The following NEGR1 variants were observed in gnomAD, a reference collection of about 807,000 sequenced individuals.
NEGR1 encodes the protein IgLON family member 4.
A neutral mutation model predicts 40.9 loss-of-function variants in NEGR1; 10 were observed. That is an observed-to-expected ratio of 0.24 (90% CI 0.15 to 0.42). The LOEUF (loss-of-function observed/expected upper bound fraction) is 0.42. Among genes scored for constraint, NEGR1 ranks in the 10% least tolerant of loss-of-function variants. The pLI is 1.00. For synonymous variants in NEGR1, 185 were observed against 166.8 expected (o/e 1.11, Z -0.84); for missense variants, 352 against 438.9 (o/e 0.80, Z 1.77).
intron 1 of NEGR1, among the ~76,000 whole-genome samples, chr1:72,201,362 T>C (rs1419381905): frequency 2.0e-5 from 3 of 151,624 alleles, no homozygotes; most frequent in African/African-American, 7.2e-5. Flanking sequence ...TACATAAAAC[T>C]ATAGTGATAC....
intron 2 of NEGR1, among the ~76,000 whole-genome samples, chr1:71,824,123 T>C (rs1658532703): frequency 1.3e-5 from 2 of 151,940 alleles, no homozygotes; most frequent in Admixed American, 6.6e-5. Context: ...TTCCAGAGGA[T>C]ACATTGTGGT....
intron 6 of NEGR1, among the ~76,000 whole-genome samples, chr1:71,409,505 C>T (rs1432929053): frequency 6.6e-6 from 1 of 152,014 alleles, no homozygotes; most frequent in African/African-American, 2.4e-5. Flanking sequence ...CCTTATCCAT[C>T]CTTGAAAATG....
chr1:71,421,156 T>A (rs1195450240), intron 6 of NEGR1, among the ~76,000 whole-genome samples: 1 of 152,060 alleles, frequency 6.6e-6, no homozygotes, highest in East Asian at 1.9e-4. Flanking sequence ...GAATAATCAT[T>A]ATATTAGAAA....
intron 2 of NEGR1, among the ~76,000 whole-genome samples, chr1:71,812,994 T>A (rs1487825486): frequency 6.6e-6 from 1 of 152,134 alleles, no homozygotes; most frequent in Non-Finnish European, 1.5e-5. Context: ...GTTTTCATAA[T>A]GAAATTTTCT....
intron 1 of NEGR1, among the ~76,000 whole-genome samples, chr1:72,044,439 TTG>T (rs1472270065): frequency 1.3e-5 from 2 of 151,734 alleles, no homozygotes; most frequent in Non-Finnish European, 2.9e-5. Context: ...TTATTATTAT[TTG>T]AATAAATAGA....
intron 4 of NEGR1, among the ~76,000 whole-genome samples, chr1:71,625,787 T>C (rs1650755123): frequency 6.6e-6 from 1 of 151,900 alleles, no homozygotes; most frequent in South Asian, 2.1e-4. Flanking sequence ...GCCTCTAACA[T>C]GAATAATGCA....
intron 6 of NEGR1, among the ~76,000 whole-genome samples, chr1:71,548,634 T>C (rs1406711682): frequency 2.0e-5 from 3 of 151,740 alleles, no homozygotes; most frequent in African/African-American, 7.2e-5. Flanking sequence ...TTTCATCTCA[T>C]ATGCATAGCA....
chr1:71,760,803 A>T (rs1655915887), intron 3 of NEGR1, among the ~76,000 whole-genome samples: 3 of 152,166 alleles, frequency 2.0e-5, no homozygotes, highest in Admixed American at 1.3e-4. Context: ...GTGTACATGT[A>T]CACAGTCTGT....
At chr1:71,542,617 A>G (rs1462576207) in intron 6 of NEGR1, among the ~76,000 whole-genome samples, 1 of 151,768 alleles carries the variant, frequency 6.6e-6, no homozygotes, top group Non-Finnish European at 1.5e-5. Flanking sequence ...GGATGGAATT[A>G]GAAGCCTGGC....
At chr1:71,701,700 C>T (rs777085438) in intron 3 of NEGR1, among the ~76,000 whole-genome samples, 2 of 151,884 alleles carry the variant, frequency 1.3e-5, no homozygotes, top group Non-Finnish European at 2.9e-5. Context: ...TGGTTTTCTA[C>T]CAATTTTCCT....
chr1:71,959,751 A>C (rs1348302470), intron 1 of NEGR1, among the ~76,000 whole-genome samples: 3 of 152,040 alleles, frequency 2.0e-5, no homozygotes, highest in Non-Finnish European at 2.9e-5. Flanking sequence ...ATTTTACTTT[A>C]AATATTTTTA....
intron 1 of NEGR1, among the ~76,000 whole-genome samples, chr1:72,012,412 T>C (rs927016172): frequency 6.6e-5 from 10 of 152,030 alleles, no homozygotes; most frequent in African/African-American, 2.4e-4. Context: ...CCTCCCTTGC[T>C]ACGGTCGAGC....
intron 3 of NEGR1, among the ~76,000 whole-genome samples, chr1:71,752,843 T>C (rs1272015824): frequency 6.6e-6 from 1 of 152,182 alleles, no homozygotes; most frequent in African/African-American, 2.4e-5. Flanking sequence ...TTCAGTTCTA[T>C]GTTATACTAG....
At chr1:71,972,564 G>A (rs1315710403) in intron 1 of NEGR1, among the ~76,000 whole-genome samples, 1 of 151,888 alleles carries the variant, frequency 6.6e-6, no homozygotes, top group Non-Finnish European at 1.5e-5. Context: ...TATTTATGTT[G>A]CTTCTCTGAT....
intron 2 of NEGR1, among the ~76,000 whole-genome samples, chr1:71,803,425 C>T (rs769164253): frequency 5.3e-5 from 8 of 152,128 alleles, no homozygotes; most frequent in Non-Finnish European, 8.8e-5. Context: ...AATATACCAT[C>T]ACACTCAGAG....
intron 1 of NEGR1, among the ~76,000 whole-genome samples, chr1:72,251,185 T>C (rs978088144): frequency 5.3e-5 from 8 of 152,166 alleles, no homozygotes; most frequent in Non-Finnish European, 1.0e-4. Context: ...GACTATGACA[T>C]AGTACAGCTT....
At chr1:71,930,579 T>C (rs1468614816) in intron 2 of NEGR1, among the ~76,000 whole-genome samples, 1 of 152,178 alleles carries the variant, frequency 6.6e-6, no homozygotes, top group African/African-American at 2.4e-5. Flanking sequence ...CGTTTTAACA[T>C]AAAATAGAAT....
intron 2 of NEGR1, among the ~76,000 whole-genome samples, chr1:71,918,837 C>A (rs1323625469): frequency 6.6e-6 from 1 of 152,078 alleles, no homozygotes; most frequent in Non-Finnish European, 1.5e-5. Flanking sequence ...TTGCTCAGAA[C>A]AGATTGTATA....
chr1:71,813,729 C>T (rs1658090991), intron 2 of NEGR1, among the ~76,000 whole-genome samples: 1 of 151,986 alleles, frequency 6.6e-6, no homozygotes, highest in African/African-American at 2.4e-5. Flanking sequence ...ATCTGACTTT[C>T]TGCTTGTCTA....
Sources: allele counts gnomAD v4.1 joint callset (sites outside exome capture counted in the v4.1 genomes callset), GRCh38; gene constraint gnomAD v4.1.1; transcripts MANE v1.5; gene names NCBI Gene and HGNC (gene_info 2026-07-23, HGNC 2026-07-21).